Variants in CHTOP observed in about 807,000 individuals in gnomAD.
CHTOP encodes chromatin target of PRMT1 protein.
In CHTOP, 18 loss-of-function variants were observed where a neutral mutation model predicts 33.6. That is an observed-to-expected ratio of 0.54 (90% CI 0.37 to 0.80). The LOEUF (loss-of-function observed/expected upper bound fraction) is 0.80. Ranked by LOEUF, CHTOP falls within the 30% of genes least tolerant of loss-of-function variation. CHTOP has a pLI of 0.00. For missense variants in CHTOP, 263 were observed against 336.8 expected (o/e 0.78, Z 1.71); for synonymous variants, 117 against 127.7 (o/e 0.92, Z 0.56).
intron 3 of CHTOP, among the ~76,000 whole-genome samples, chr1:153,640,457 A>C (rs933533568): frequency 6.6e-6 from 1 of 151,702 alleles, no homozygotes; most frequent in South Asian, 2.1e-4. Flanking sequence ...TGACAGTGAG[A>C]CTCTGTCTCA....
At chr1:153,642,132 T>C in intron 3 of CHTOP, 114 bp from the exon 4 acceptor site, 3 of 809,904 alleles carry the variant, frequency 3.7e-6, no homozygotes, top group Non-Finnish European at 5.8e-6. Context: ...ACAACAGGTT[T>C]ATCTCCCTTC....
chr1:153,640,969 T>C (rs1367685810), intron 3 of CHTOP, among the ~76,000 whole-genome samples: 1 of 152,148 alleles, frequency 6.6e-6, no homozygotes, highest in East Asian at 1.9e-4. Flanking sequence ...GCACAAAGCT[T>C]GGGAGAATTA....
intron 3 of CHTOP, among the ~76,000 whole-genome samples, chr1:153,639,974 A>T: frequency 6.6e-6 from 1 of 151,962 alleles, no homozygotes; most frequent in East Asian, 1.9e-4. Flanking sequence ...GAGTTTTGTC[A>T]TGTTGGCCAG....
rs758496751 is a variant in CHTOP at position 153,638,412 on chromosome 1, T to C, written c.183T>C (p.Asn61=). 6 of 1,614,046 alleles carry C rather than the reference T, an allele frequency of 3.7e-6. No individual in the cohort carries two copies. The highest frequency in any genetic ancestry group is 2.7e-5 in the African/African-American group (2 of 74,908). ...GAAGACTGGCCCAGCAGATGGAGAA[T>C]AGACCCTCTGTCCAGGCAGCATTAA... ...RNRRLAQQME[N]RPSVQAALKL... The change falls in exon 3 of 6, where the codon AAT becomes AAC. Residue 61 remains asparagine (N), a synonymous_variant. Coordinates refer to ENST00000368694, the MANE Select transcript of CHTOP (RefSeq NM_015607.4).
chr1:153,635,720 G>A (rs1452379866), intron 1 of CHTOP, among the ~76,000 whole-genome samples: 1 of 151,940 alleles, frequency 6.6e-6, no homozygotes, highest in African/African-American at 2.4e-5. Context: ...CTACTCAGGA[G>A]GCTGAGGCAG....
rs920525219 is a variant in CHTOP, at chr1:153,645,011, A to G, written c.542-53A>G. ...CTAAGGGGCATTTACTACAGCACCT[A>G]TTAAACTTACTTGTAACTGTCTCTT... is the stretch of plus-strand genomic sequence containing the variant. On this transcript the variant is annotated intron_variant, in intron 5 of 5. Coordinates refer to ENST00000368694, the MANE Select transcript of CHTOP (RefSeq NM_015607.4). 7.1e-6 allele frequency: 11 copies of G among 1,556,062 alleles called. No individual in the cohort carries two copies. In the African/African-American group the frequency reaches 1.1e-4, roughly 16 times the overall value.
At chr1:153,643,519 C>G (rs963278584) in intron 5 of CHTOP, 155 bp downstream of exon 5, 9 of 740,356 alleles carry the variant, frequency 1.2e-5, no homozygotes, top group Admixed American at 3.6e-5. Flanking sequence ...AATTACCATG[C>G]TGGTAGTGCA....
At chr1:153,643,002 A>G in intron 4 of CHTOP, 1 of 561,190 alleles carries the variant, frequency 1.8e-6, no homozygotes, top group African/African-American at 1.9e-5. Flanking sequence ...GTATGTACTT[A>G]CTAATTGAAT....
intron 3 of CHTOP, among the ~76,000 whole-genome samples, chr1:153,641,328 A>G (rs577047241): frequency 6.6e-5 from 10 of 152,330 alleles, no homozygotes; most frequent in Admixed American, 6.5e-4. Context: ...GGTTGTGTTC[A>G]GGGCTATTGC....
intron 3 of CHTOP, 126 bp downstream of exon 3, chr1:153,638,574 A>C: frequency 9.3e-7 from 1 of 1,075,484 alleles, no homozygotes; most frequent in Non-Finnish European, 1.4e-6. Flanking sequence ...ACTTCTCTGG[A>C]AGAAAGAGAA....
intron 3 of CHTOP, among the ~76,000 whole-genome samples, chr1:153,640,925 A>G (rs1265253490): frequency 1.3e-5 from 2 of 152,226 alleles, no homozygotes; most frequent in Admixed American, 1.3e-4. Context: ...TGGAATGGGT[A>G]AAGAACTTCC....
chr1:153,641,625 A>G (rs1668627711), intron 3 of CHTOP, among the ~76,000 whole-genome samples: 1 of 152,238 alleles, frequency 6.6e-6, no homozygotes, highest in Admixed American at 6.5e-5. Context: ...ATGTAAGGAA[A>G]GGAGATTTGA....
In CHTOP at chr1:153,645,402, C is replaced by G. The variant is rs1668778078; in HGVS notation, c.*133C>G. 1 of 777,392 alleles carries G rather than the reference C, an allele frequency of 1.3e-6. No homozygotes were observed. The highest frequency in any genetic ancestry group is 2.0e-6 in the Non-Finnish European group (1 of 490,780). The allele number at this position is 777,392 out of a possible 1,614,324, so 48.2% of individuals were successfully genotyped here. A position where few individuals can be genotyped will look rare whatever the true frequency, so the allele number is the denominator to read the frequency against. ...AATAGGCTGTGGACTTACTTGCCAC[C>G]AGCTTGTGCATTTAGTGTGTTCCTT... On this transcript the variant is annotated 3_prime_UTR_variant, in exon 6 of 6. Coordinates refer to ENST00000368694, the MANE Select transcript of CHTOP (RefSeq NM_015607.4).
At position 153,645,188 on chromosome 1, in the gene CHTOP, A is replaced by C. The variant is rs1571323014; in HGVS notation, c.666A>C (p.Ala222=). The change falls in exon 6 of 6, where the codon GCA becomes GCC. Residue 222 remains alanine, a synonymous_variant. Coordinates refer to ENST00000368694, the MANE Select transcript of CHTOP (RefSeq NM_015607.4). The part of the protein sequence containing the change: ...TKEQLDNQLD[A]YMSKTKGHLD... The stretch of plus-strand genomic sequence containing the variant: ...AGCAGCTGGACAACCAATTGGATGC[A>C]TATATGTCGAAAACAAAAGGACACC... 6.2e-6 allele frequency: 10 copies of C among 1,614,234 alleles called. No individual in the cohort carries two copies. The highest frequency in any genetic ancestry group is 8.5e-6 in the Non-Finnish European group (10 of 1,180,048).
At chr1:153,642,056 T>G (rs1297981064) in intron 3 of CHTOP, among the ~76,000 whole-genome samples, 190 bp from the exon 4 acceptor site, 1 of 152,210 alleles carries the variant, frequency 6.6e-6, no homozygotes, top group Non-Finnish European at 1.5e-5. Flanking sequence ...GGATCAAAAT[T>G]CTGCTGCTTG....
In CHTOP at chr1:153,645,236, C is replaced by T. The variant is rs11555724; in HGVS notation, c.714C>T (p.Tyr238=). Residue 238 remains tyrosine, a synonymous_variant, in exon 6 of 6, where the codon TAC becomes TAT. Transcript: ENST00000368694. ...KGHLDAELDA[Y]MAQTDPETND ...ACCTGGATGCTGAGTTGGATGCCTA[C>T]ATGGCGCAGACAGATCCCGAAACCA... 1 of 1,614,110 alleles carries T rather than the reference C, an allele frequency of 6.2e-7. No homozygotes were observed. Among genetic ancestry groups the T allele is most frequent in the African/African-American group, 1.3e-5 (1 of 74,932 alleles).
intron 1 of CHTOP, among the ~76,000 whole-genome samples, chr1:153,636,028 C>G (rs1160997348): frequency 7.9e-5 from 12 of 151,966 alleles, no homozygotes; most frequent in African/African-American, 2.2e-4. Flanking sequence ...TCTAGCGATT[C>G]TCCCACCTCA....
chr1:153,640,064 G>A (rs867213457), intron 3 of CHTOP, among the ~76,000 whole-genome samples: 3 of 152,130 alleles, frequency 2.0e-5, no homozygotes, highest in Admixed American at 6.5e-5. Context: ...ATGAGCTACC[G>A]TGCCCAGCCA....
rs1184243979 is a variant in CHTOP, at chr1:153,643,012, T to G, written c.404-215T>G. On this transcript the variant is annotated intron_variant, in intron 4 of 5. Coordinates refer to ENST00000368694, the MANE Select transcript of CHTOP (RefSeq NM_015607.4). ...TAAATGTATGTACTTACTAATTGAATTAACTCCCAACTTCCAAAAATGGAT... is the reference window on the plus strand; with the variant it reads ...TAAATGTATGTACTTACTAATTGAAGTAACTCCCAACTTCCAAAAATGGAT... 3 of 587,384 alleles carry G rather than the reference T, an allele frequency of 5.1e-6. No homozygotes were observed. In the East Asian group the frequency reaches 9.0e-5, roughly 18 times the overall value. 36.4% of individuals were successfully genotyped at this position (587,384 alleles called of 1,614,324 possible). A position where few individuals can be genotyped will look rare whatever the true frequency, so the allele number is the denominator to read the frequency against.
Sources: allele counts gnomAD v4.1 joint callset (sites outside exome capture counted in the v4.1 genomes callset), GRCh38; gene constraint gnomAD v4.1.1; transcripts MANE v1.5; gene names NCBI Gene and HGNC (gene_info 2026-07-23, HGNC 2026-07-21).